Variants in ZNF398 observed in about 807,000 individuals in gnomAD.
The protein encoded by ZNF398 is zinc finger protein 398.
A neutral mutation model predicts 41.9 loss-of-function variants in ZNF398; 18 were observed. The ratio of observed to expected loss-of-function variants is 0.43; its 90% CI spans 0.30 to 0.64. The LOEUF is 0.64. ZNF398 is among the 30% of genes least tolerant of loss of function. The pLI is 0.14. For synonymous variants in ZNF398, 260 were observed against 308.8 expected, an observed-to-expected ratio of 0.84 and a Z score of 1.66; for missense variants, 669 against 822.8, an observed-to-expected ratio of 0.81 and a Z score of 2.29.
chr7:149,155,707 A>ATATATTTTTTTT (rs1794954712), intron 2 of ZNF398, among the ~76,000 whole-genome samples: 1 of 73,578 alleles, frequency 1.4e-5, no homozygotes, highest in Non-Finnish European at 2.4e-5. Context: ...ATATATATAT[A>ATATATTTTTTTT]TTTTTTTTTT....
At position 149,133,701 on chromosome 7, in the gene ZNF398, A is replaced by AT. The variant is rs1826651457; in HGVS notation, c.-490+4758dup. 2.6e-5 allele frequency among the ~76,000 whole-genome samples: 2 copies of AT among 77,890 alleles called. 1 individual carries two copies. The highest frequency in any genetic ancestry group is 7.4e-4 in the South Asian group (2 of 2,718). The allele number at this position is 77,890 out of a possible 152,430, so 51.1% of individuals were successfully genotyped here. A position where few individuals can be genotyped will look rare whatever the true frequency, so the allele number is the denominator to read the frequency against. ...TATACATATATATGTGTGTATATAT[A>AT]TATACACACATATATATGTATATAT... On this transcript the variant is annotated intron_variant, in intron 2 of 6. Transcript: ENST00000426851.
At chr7:149,134,375 G>A (rs1236849800) in intron 2 of ZNF398, among the ~76,000 whole-genome samples, 1 of 151,576 alleles carries the variant, frequency 6.6e-6, no homozygotes, top group Non-Finnish European at 1.5e-5. Context: ...ACAGGTGTGA[G>A]CCACCACGCT....
exon 1 of ZNF398, chr7:149,126,453 G>C: frequency 1.5e-6 from 1 of 645,584 alleles, no homozygotes; most frequent in Non-Finnish European, 2.5e-6. Flanking sequence ...CCCTCCGTGC[G>C]GGCCGCAGCA....
intron 2 of ZNF398, among the ~76,000 whole-genome samples, chr7:149,140,588 T>G (rs1430055070): frequency 2.0e-5 from 3 of 152,162 alleles, no homozygotes; most frequent in Admixed American, 6.6e-5. Flanking sequence ...TTCATCATGT[T>G]GGCCAGGCTG....
At chr7:149,131,579 G>A (rs1826596079) in intron 2 of ZNF398, among the ~76,000 whole-genome samples, 1 of 152,112 alleles carries the variant, frequency 6.6e-6, no homozygotes, top group African/African-American at 2.4e-5. Context: ...CCAGCTACTC[G>A]GGAGGCTGAG....
chr7:149,140,369 C>G (rs949803425), intron 2 of ZNF398, among the ~76,000 whole-genome samples: 6 of 152,060 alleles, frequency 3.9e-5, no homozygotes, highest in African/African-American at 1.4e-4. Flanking sequence ...TGCACAGTTG[C>G]ATTCATAACA....
chr7:149,128,428 T>A (rs1826529446), intron 1 of ZNF398, among the ~76,000 whole-genome samples: 1 of 152,010 alleles, frequency 6.6e-6, no homozygotes, highest in Admixed American at 6.6e-5. Context: ...ATGGCAAAAA[T>A]TTCCTATTTA....
At chr7:149,167,009 G>GCTCT in intron 4 of ZNF398, 79 bp downstream of exon 4, 1 of 963,226 alleles carries the variant, frequency 1.0e-6, no homozygotes, top group Non-Finnish European at 1.6e-6. Context: ...GCAGGGCTTA[G>GCTCT]GGGCTTCTAG....
At chr7:149,156,159 T>G (rs1794972283) in intron 2 of ZNF398, among the ~76,000 whole-genome samples, 1 of 151,780 alleles carries the variant, frequency 6.6e-6, no homozygotes, top group Non-Finnish European at 1.5e-5. Context: ...GTTGTAGAGA[T>G]GGAGAGAAGT....
At chr7:149,129,910 C>T (rs1051081972) in intron 2 of ZNF398, among the ~76,000 whole-genome samples, 1 of 152,144 alleles carries the variant, frequency 6.6e-6, no homozygotes, top group South Asian at 2.1e-4. Flanking sequence ...AAGCGATTCT[C>T]CTGCCTCAGC....
chr7:149,179,849 C>T lies in ZNF398; in HGVS notation c.*48C>T. 1 of 1,495,636 alleles carries T rather than the reference C, an allele frequency of 6.7e-7. No individual in the cohort carries two copies. The highest frequency in any genetic ancestry group is 1.4e-5 in the African/African-American group (1 of 71,538). The allele number at this position is 1,495,636 out of a possible 1,614,324, so 92.6% of individuals were successfully genotyped here. A position where few individuals can be genotyped will look rare whatever the true frequency, so the allele number is the denominator to read the frequency against. On this transcript the variant is annotated 3_prime_UTR_variant, in exon 6 of 6. Coordinates refer to ENST00000475153, the MANE Select transcript of ZNF398 (RefSeq NM_170686.3). The surrounding 1 kb of genome is among the most constrained non-coding windows in gnomAD (Gnocchi z 6.1). The stretch of plus-strand genomic sequence containing the variant: ...GCTTGTATATGCTCACAGCAGGGCA[C>T]AAAATCCAAGAGAAGGTCTGTGAGC...
rs1460308503 is a variant in ZNF398, at chr7:149,179,018, G to A, written c.1146G>A (p.Gln382=). 1.9e-6 allele frequency: 3 copies of A among 1,613,460 alleles called. No individual in the cohort carries two copies. Among genetic ancestry groups the A allele is most frequent in the Admixed American group, 3.3e-5 (2 of 59,930 alleles). ...AGTGCCCTAAGCACTTTACTCCACA[G>A]GCGGACCTCAGCAGCACCTCCCAGG... is the stretch of plus-strand genomic sequence containing the variant. The part of the protein sequence containing the change: ...CAQCPKHFTP[Q]ADLSSTSQDH... Residue 382 remains glutamine (Q), a synonymous_variant, in exon 6 of 6, where the codon CAG becomes CAA. Coordinates refer to ENST00000475153, the MANE Select transcript of ZNF398 (RefSeq NM_170686.3). This position sits in a 1 kb window ranked among gnomAD's most constrained non-coding sequence, Gnocchi z 6.1.
At chr7:149,143,894 A>T (rs1415305860), upstream of ZNF398, among the ~76,000 whole-genome samples, 1 of 152,168 alleles carries the variant, frequency 6.6e-6, no homozygotes, top group Admixed American at 6.6e-5. Flanking sequence ...TTTTAGGACA[A>T]TTTTTTTCTC....
chr7:149,168,642 C>T (rs987874151), intron 4 of ZNF398, among the ~76,000 whole-genome samples: 14 of 152,056 alleles, frequency 9.2e-5, no homozygotes, highest in African/African-American at 2.9e-4. Flanking sequence ...GATCCTGGCT[C>T]ACTGCAACCT....
At chr7:149,138,350 T>G (rs1464088565) in intron 2 of ZNF398, among the ~76,000 whole-genome samples, 1 of 151,796 alleles carries the variant, frequency 6.6e-6, no homozygotes, top group Non-Finnish European at 1.5e-5. Flanking sequence ...GAGGCCGAGG[T>G]GGGTGGATCA....
At chr7:149,165,095 A>C (rs1427044629) in intron 2 of ZNF398, among the ~76,000 whole-genome samples, 2 of 146,660 alleles carry the variant, frequency 1.4e-5, no homozygotes, top group Non-Finnish European at 3.0e-5. Context: ...TCTGTCTCTA[A>C]AAAAAAAAAA....
chr7:149,180,876 G>A lies in ZNF398; in HGVS notation c.*1075G>A, dbSNP rs556185256. ...ATAATGCAGCTTCCTTGAGCCATCAGAGAGAGTGTATGTTCACCCTATCTG... is the reference window on the plus strand; with the variant it reads ...ATAATGCAGCTTCCTTGAGCCATCAAAGAGAGTGTATGTTCACCCTATCTG... On this transcript the variant is annotated 3_prime_UTR_variant, in exon 6 of 6. Transcript: ENST00000475153. The A allele has an allele frequency of 4.6e-5, 7 of 152,338 alleles. No individual in the cohort carries two copies. The East Asian group carries it at 1.3e-3, about 29-fold the overall frequency. 9.4% of individuals were successfully genotyped at this position (152,338 alleles called of 1,614,324 possible). A position where few individuals can be genotyped will look rare whatever the true frequency, so the allele number is the denominator to read the frequency against.
chr7:149,159,391 T>TA (rs768147404), intron 2 of ZNF398, among the ~76,000 whole-genome samples: 4 of 151,756 alleles, frequency 2.6e-5, no homozygotes, highest in Non-Finnish European at 5.9e-5. Context: ...CTCACGCCTG[T>TA]AATCCCAGTA....
intron 2 of ZNF398, among the ~76,000 whole-genome samples, chr7:149,158,769 G>A (rs1374633414): frequency 2.0e-5 from 3 of 150,320 alleles, no homozygotes; most frequent in South Asian, 2.1e-4. Context: ...AGGAGGCAGA[G>A]GTTGCAGTGA....
Sources: allele counts gnomAD v4.1 joint callset (sites outside exome capture counted in the v4.1 genomes callset), GRCh38; gene constraint gnomAD v4.1.1; non-coding constraint Gnocchi (gnomAD v3.1); transcripts MANE v1.5; gene names NCBI Gene and HGNC (gene_info 2026-07-23, HGNC 2026-07-21).